The following PTPN3 variants were observed in gnomAD, a reference collection of about 807,000 sequenced individuals.
PTPN3 encodes the protein tyrosine-protein phosphatase non-receptor type 3.
PTPN3 carries 96 observed loss-of-function variants against 132.7 expected under a neutral mutation model. That is an observed-to-expected ratio of 0.72 (90% confidence interval 0.61 to 0.86). PTPN3 has a LOEUF of 0.86. PTPN3 is among the 40% of genes least tolerant of loss of function. The pLI is 0.00. For synonymous variants in PTPN3, 398 were observed against 429.0 expected, an observed-to-expected ratio of 0.93 and a Z score of 0.89; for missense variants, 1,125 against 1,159.6, an observed-to-expected ratio of 0.97 and a Z score of 0.43.
At chr9:109,406,766 G>GA in intron 17 of PTPN3, 148 bp from the exon 18 acceptor site, 4 of 872,126 alleles carry the variant, frequency 4.6e-6, no homozygotes, top group Non-Finnish European at 7.2e-6. Context: ...TTTGTATAAT[G>GA]CATCCACTGC....
chr9:109,531,789 C>A, the PTPN3 span, among the ~76,000 whole-genome samples: 1 of 152,024 alleles, frequency 6.6e-6, no homozygotes, highest in Admixed American at 6.6e-5. Context: ...TGGATCCCAA[C>A]ACTTGATTCT....
At chr9:109,404,971 TTCTC>T (rs1170657114) in intron 18 of PTPN3, among the ~76,000 whole-genome samples, 1 of 152,140 alleles carries the variant, frequency 6.6e-6, no homozygotes, top group Admixed American at 6.5e-5. Context: ...TCCCCTTTCT[TTCTC>T]AGGTTTTTTC....
chr9:109,484,390 G>T (rs769813635), intron 1 of PTPN3, among the ~76,000 whole-genome samples: 4 of 152,184 alleles, frequency 2.6e-5, no homozygotes, highest in African/African-American at 4.8e-5. Context: ...GAGGGAGTGG[G>T]GGCCCGGTGA....
rs1300673033 is a variant in PTPN3 at position 109,404,566 on chromosome 9, T to G, written c.1835A>C (p.Asn612Thr). 8.3e-6 allele frequency: 13 copies of G among 1,564,328 alleles called. No homozygotes were observed. Among genetic ancestry groups the G allele is most frequent in the Admixed American group, 1.7e-5 (1 of 57,738 alleles). The change falls in exon 19 of 26, where the codon AAC becomes ACC. Residue 612 changes from asparagine (N) to threonine (T), a missense_variant. Coordinates refer to ENST00000374541, the MANE Select transcript of PTPN3 (RefSeq NM_002829.4). ...FADFKSEDELNQLFPEAIFPM... is the reference protein window; with the variant it reads ...FADFKSEDELTQLFPEAIFPM... ...GAAAATGGCTTCGGGGAAAAGCTGG[T>G]TCAGTTCATCTTCAGACTTGAAGTC...
the PTPN3 span, chr9:109,533,480 T>C: frequency 6.3e-7 from 1 of 1,586,344 alleles, no homozygotes; most frequent in East Asian, 2.2e-5. Flanking sequence ...CGTCGGTAAG[T>C]TGCGGCGGTA....
intron 9 of PTPN3, among the ~76,000 whole-genome samples, chr9:109,435,002 C>T (rs1843933731): frequency 6.6e-6 from 1 of 152,282 alleles, no homozygotes; most frequent in East Asian, 1.9e-4. Flanking sequence ...AAATCACATG[C>T]TTATAACAAA....
chr9:109,534,037 C>T, the PTPN3 span: 4 of 770,102 alleles, frequency 5.2e-6, no homozygotes, highest in East Asian at 2.4e-5. Context: ...GCGAAGGTAC[C>T]TCCTGGGGTT....
intron 1 of PTPN3, among the ~76,000 whole-genome samples, chr9:109,479,866 G>A (rs1285504432): frequency 6.6e-6 from 1 of 152,182 alleles, no homozygotes; most frequent in Non-Finnish European, 1.5e-5. Context: ...CTCTGTGCCT[G>A]GCCCTATTAT....
At chr9:109,510,875 G>A in the PTPN3 span, among the ~76,000 whole-genome samples, 3 of 151,812 alleles carry the variant, frequency 2.0e-5, no homozygotes, top group African/African-American at 7.3e-5. Context: ...GAAAGCAAAT[G>A]TGCTAAAAGG....
chr9:109,392,360 T>C (rs926137359), intron 19 of PTPN3, among the ~76,000 whole-genome samples: 14 of 152,090 alleles, frequency 9.2e-5, no homozygotes, highest in African/African-American at 3.1e-4. Flanking sequence ...AAAAACACAG[T>C]TTTTTCAGTG....
chr9:109,457,433 C>G, intron 2 of PTPN3, 34 bp from the exon 3 acceptor site: 1 of 1,553,392 alleles, frequency 6.4e-7, no homozygotes, highest in Non-Finnish European at 8.8e-7. Context: ...TGGGAAAAGT[C>G]TTAAATTAAT....
Position 109,415,095 on chromosome 9 carries a change from C to CATCCATCCATCA in PTPN3, c.1314-4681_1314-4680insTGATGGATGGAT, listed in dbSNP as rs1487481461. Reference sequence around the variant, plus strand: ...CCATCCAACCATCCATCCATCCATCCATCCATCCATCCATCCATCCATCCA... The same window carrying CATCCATCCATCA: ...CCATCCAACCATCCATCCATCCATCCATCCATCCATCAATCCATCCATCCATCCATCCATCCA... On this transcript the variant is annotated intron_variant, in intron 14 of 25. Coordinates refer to ENST00000374541, the MANE Select transcript of PTPN3 (RefSeq NM_002829.4). 4.5e-3 allele frequency among the ~76,000 whole-genome samples: 684 copies of CATCCATCCATCA among 151,868 alleles called. 7 individuals are homozygous for CATCCATCCATCA. Among genetic ancestry groups the CATCCATCCATCA allele is most frequent in the Non-Finnish European group, 7.7e-3 (524 of 67,928 alleles).
chr9:109,534,385 G>A, the PTPN3 span: 1 of 1,463,472 alleles, frequency 6.8e-7, no homozygotes, highest in Non-Finnish European at 9.0e-7. Flanking sequence ...CTCCTCCCGG[G>A]GTGTGATGGT....
intron 10 of PTPN3, chr9:109,428,942 C>T (rs893628455): frequency 6.1e-6 from 6 of 985,300 alleles, no homozygotes; most frequent in African/African-American, 1.7e-5. Context: ...ATAGGCCATG[C>T]GCTCTCTTTG....
chr9:109,476,561 T>A (rs1846677529), intron 1 of PTPN3, among the ~76,000 whole-genome samples: 1 of 152,128 alleles, frequency 6.6e-6, no homozygotes, highest in Non-Finnish European at 1.5e-5. Context: ...TCAAGAGTGG[T>A]CCGTGACTGG....
At chr9:109,411,612 G>A (rs183441750) in intron 14 of PTPN3, among the ~76,000 whole-genome samples, 49 of 152,274 alleles carry the variant, frequency 3.2e-4, no homozygotes, top group Admixed American at 1.3e-3. Context: ...GGGGAGAAGC[G>A]CAGAGACCAA....
intron 1 of PTPN3, among the ~76,000 whole-genome samples, chr9:109,464,788 T>C (rs761445010): frequency 6.6e-6 from 1 of 152,248 alleles, no homozygotes; most frequent in Non-Finnish European, 1.5e-5. Context: ...CGTGAATCAA[T>C]TGCTTTAACA....
intron 5 of PTPN3, chr9:109,450,609 C>G (rs1483135860): frequency 6.1e-6 from 6 of 984,986 alleles, no homozygotes; most frequent in Non-Finnish European, 7.2e-6. Context: ...TGGGAGACTT[C>G]CTAGGAATCT....
intron 2 of PTPN3, among the ~76,000 whole-genome samples, chr9:109,461,760 A>G (rs985569170): frequency 4.4e-5 from 1 of 22,894 alleles, no homozygotes; most frequent in South Asian, 1.5e-3. Context: ...TTGTTTCAGG[A>G]AAAAAAAAAA....
Sources: gnomAD v4.1 joint callset for allele counts (sites outside exome capture counted in the v4.1 genomes callset) on GRCh38, gnomAD v4.1.1 for gene constraint, MANE v1.5 for transcripts, NCBI Gene and HGNC (gene_info 2026-07-23, HGNC 2026-07-21) for gene names.